The following MALRD1 variants were observed in gnomAD, a reference collection of about 807,000 sequenced individuals.
MALRD1 encodes MAM and LDL receptor class A domain containing 1.
Under a neutral mutation model 242.1 loss-of-function variants are expected in MALRD1, and 247 were observed. That is an observed-to-expected ratio of 1.02 (90% confidence interval 0.92 to 1.13). The LOEUF is 1.13. MALRD1 is among the 50% of genes most tolerant of loss of function. The pLI is 0.00. For synonymous variants in MALRD1, 995 were observed against 866.6 expected, an observed-to-expected ratio of 1.15 and a Z score of -2.60; for missense variants, 2,989 against 2,533.1, an observed-to-expected ratio of 1.18 and a Z score of -3.86.
At chr10:19,726,455 G>C (rs569400898) in intron 38 of MALRD1, among the ~76,000 whole-genome samples, 67 of 152,244 alleles carry the variant, frequency 4.4e-4, no homozygotes, top group African/African-American at 1.5e-3. Flanking sequence ...AATAACAAGT[G>C]TTGATGAGGA....
intron 19 of MALRD1, among the ~76,000 whole-genome samples, chr10:19,278,036 C>T (rs748897369): frequency 2.0e-5 from 3 of 152,078 alleles, no homozygotes; most frequent in Non-Finnish European, 4.4e-5. Flanking sequence ...CTTGTTATTT[C>T]TCCATATTTT....
chr10:19,651,848 G>A (rs780989477), intron 36 of MALRD1, among the ~76,000 whole-genome samples: 27 of 152,270 alleles, frequency 1.8e-4, no homozygotes, highest in African/African-American at 4.3e-4. Context: ...TGACTCTGAC[G>A]AATTTAAATA....
chr10:19,697,922 C>G (rs987964514), intron 38 of MALRD1, among the ~76,000 whole-genome samples: 13 of 152,066 alleles, frequency 8.5e-5, no homozygotes, highest in African/African-American at 3.1e-4. Context: ...TTTAGATTCC[C>G]CAGGGTTTGC....
intron 19 of MALRD1, among the ~76,000 whole-genome samples, chr10:19,273,518 C>G (rs1408807589): frequency 1.3e-5 from 2 of 152,136 alleles, no homozygotes; most frequent in Admixed American, 6.5e-5. Flanking sequence ...AGGTAATAAA[C>G]TGGATCACAT....
rs529009032 is a variant in MALRD1, at chr10:19,502,781, A to G, written c.5320+4135A>G. ...AAAACTACAGAGCATGTCTTCTGCT[A>G]TAATAATACTAATGATACAAAAACT... On this transcript the variant is annotated intron_variant, in intron 31 of 39. Coordinates refer to ENST00000454679, the MANE Select transcript of MALRD1 (RefSeq NM_001142308.3). 1.1e-4 allele frequency among the ~76,000 whole-genome samples: 16 copies of G among 152,332 alleles called. No individual in the cohort carries two copies. In the South Asian group the frequency reaches 2.3e-3, roughly 22 times the overall value.
rs150256893 is a variant in MALRD1, at chr10:19,185,474, C to A, written c.1951+10146C>A. On this transcript the variant is annotated intron_variant, in intron 14 of 39. Transcript: ENST00000454679. ...TAGTTGAATTCAATGAAACCTTAGC[C>A]AAGGTTGAATAGTACAAGGAAAAGG... Among the ~76,000 whole-genome samples, 1,299 of 151,724 alleles carry A rather than the reference C, an allele frequency of 8.6e-3. 14 individuals carry two copies. Among genetic ancestry groups the A allele is most frequent in the African/African-American group, 0.03 (1,232 of 41,424 alleles).
chr10:19,369,274 T>C (rs2130738510), intron 26 of MALRD1, among the ~76,000 whole-genome samples: 1 of 146,902 alleles, frequency 6.8e-6, no homozygotes, highest in Non-Finnish European at 1.5e-5. Context: ...TATACATTTA[T>C]GGTGTATATA....
chr10:19,242,282 A>T (rs942610923), intron 18 of MALRD1, among the ~76,000 whole-genome samples: 4 of 152,158 alleles, frequency 2.6e-5, no homozygotes, highest in South Asian at 2.1e-4. Flanking sequence ...CCACAAGAAC[A>T]GTATGGGGGA....
chr10:19,581,404 G>A (rs1000963196), intron 33 of MALRD1, among the ~76,000 whole-genome samples: 9 of 136,514 alleles, frequency 6.6e-5, no homozygotes, highest in African/African-American at 2.2e-4. Context: ...AGAGTGTGAC[G>A]TTCCCCTTCC....
chr10:19,607,638 A>G, intron 34 of MALRD1, 139 bp from the exon 35 acceptor site: 4 of 1,174,826 alleles, frequency 3.4e-6, no homozygotes, highest in Non-Finnish European at 4.6e-6. Flanking sequence ...CTTCAAAAAG[A>G]ACTGTGTTCT....
intron 28 of MALRD1, among the ~76,000 whole-genome samples, chr10:19,437,064 G>A (rs1834377249): frequency 7.1e-6 from 1 of 140,224 alleles, no homozygotes; most frequent in Non-Finnish European, 1.6e-5. Flanking sequence ...CACTGAAAGT[G>A]CAACAAATAT....
chr10:19,160,068 A>T (rs1476263713), intron 12 of MALRD1, among the ~76,000 whole-genome samples: 1 of 152,212 alleles, frequency 6.6e-6, no homozygotes, highest in East Asian at 1.9e-4. Flanking sequence ...GTCATACTAT[A>T]TATAAAATCT....
intron 20 of MALRD1, 137 bp from the exon 21 acceptor site, chr10:19,282,882 C>A: frequency 1.7e-6 from 1 of 583,362 alleles, no homozygotes; most frequent in Non-Finnish European, 2.6e-6. Context: ...TTTTACAAAC[C>A]ATTTGCCTAA....
At chr10:19,337,185 ATAAG>A (rs1278392220) in intron 24 of MALRD1, among the ~76,000 whole-genome samples, 5 of 152,160 alleles carry the variant, frequency 3.3e-5, no homozygotes, top group Non-Finnish European at 5.9e-5. Flanking sequence ...ATATGTGTAT[ATAAG>A]TAAGCTAGAC....
intron 4 of MALRD1, among the ~76,000 whole-genome samples, chr10:19,095,779 T>C (rs1416242911): frequency 1.3e-5 from 2 of 152,200 alleles, no homozygotes; most frequent in Non-Finnish European, 2.9e-5. Flanking sequence ...GAAGTTATTT[T>C]ATTTCTTAAA....
chr10:19,390,346 C>G (rs145248807), intron 28 of MALRD1, among the ~76,000 whole-genome samples: 85 of 152,274 alleles, frequency 5.6e-4, no homozygotes, highest in Non-Finnish European at 1.1e-3. Flanking sequence ...AAGGACTGAA[C>G]TACTCAGGAG....
intron 38 of MALRD1, among the ~76,000 whole-genome samples, chr10:19,702,920 T>C (rs564330023): frequency 1.3e-5 from 2 of 152,338 alleles, no homozygotes; most frequent in Admixed American, 1.3e-4. Flanking sequence ...AACTTTTGTA[T>C]TGCTTTTTAA....
At chr10:19,718,007 A>G (rs933712056) in intron 38 of MALRD1, among the ~76,000 whole-genome samples, 3 of 150,602 alleles carry the variant, frequency 2.0e-5, no homozygotes, top group Admixed American at 6.6e-5. Context: ...TACCTAAATA[A>G]ATAAATAAAT....
intron 25 of MALRD1, among the ~76,000 whole-genome samples, chr10:19,348,500 C>A (rs552789483): frequency 6.6e-6 from 1 of 151,918 alleles, no homozygotes; most frequent in African/African-American, 2.4e-5. Context: ...CAAAAAGGAC[C>A]CTGAACTTAT....
Sources: gnomAD v4.1 joint callset for allele counts (sites outside exome capture counted in the v4.1 genomes callset) on GRCh38, gnomAD v4.1.1 for gene constraint, MANE v1.5 for transcripts, NCBI Gene and HGNC (gene_info 2026-07-23, HGNC 2026-07-21) for gene names.